VPS13C: variants seen among roughly 807,000 people sequenced by gnomAD.
The protein encoded by VPS13C is intermembrane lipid transfer protein VPS13C.
VPS13C carries 358 observed loss-of-function variants against 456.8 expected under a neutral mutation model. The ratio of observed to expected loss-of-function variants is 0.78; its 90% CI spans 0.72 to 0.86. The LOEUF (loss-of-function observed/expected upper bound fraction) is 0.86. Among genes scored for constraint, VPS13C ranks in the 40% least tolerant of loss-of-function variants. The pLI is 0.00. For missense variants in VPS13C, 4,818 were observed against 4,385.4 expected (o/e 1.10, Z -2.79); for synonymous variants, 1,578 against 1,486.7 (o/e 1.06, Z -1.41).
At chr15:61,950,816 G>A (rs2044762907) in intron 40 of VPS13C, 129 bp downstream of exon 40, 1 of 652,772 alleles carries the variant, frequency 1.5e-6, no homozygotes, top group Non-Finnish European at 2.5e-6. Flanking sequence ...TCAGATGCTT[G>A]CAAAATTCAC....
Position 61,972,726 on chromosome 15 carries a change from G to A in VPS13C, c.2656C>T (p.Pro886Ser). 1 of 1,612,388 alleles carries A rather than the reference G, an allele frequency of 6.2e-7. No individual in the cohort carries two copies. Among genetic ancestry groups the A allele is most frequent in the Non-Finnish European group, 8.5e-7 (1 of 1,179,256 alleles). Residue 886 changes from proline to serine, a missense_variant, in exon 27 of 85, where the codon CCA (proline) becomes TCA (serine). By Grantham distance (74) the Pro-to-Ser change is moderately conservative. Coordinates refer to ENST00000644861, the MANE Select transcript of VPS13C (RefSeq NM_020821.3). ...CCTTTCATACTTTTACAAGTCTGTG[G>A]TTCTCCATCTTCAGCATCAAAATAC... ...DEYFDAEDGE[P>S]QTCKSMKGSE...
In VPS13C at chr15:61,962,839, G is replaced by A. The variant is rs757266804; in HGVS notation, c.3345C>T (p.Ser1115=). The A allele has an allele frequency of 1.2e-6, 2 of 1,600,608 alleles. No individual in the cohort carries two copies. Among genetic ancestry groups the A allele is most frequent in the Non-Finnish European group, 1.7e-6 (2 of 1,171,204 alleles). ...AEIKIQGLDS[S]LSLQSRKQSL... ...ACTGCTTTCTTGACTGGAGAGAAAG[G>A]GAGGAATCCAGTCCTGAAAAAAAGA... Residue 1115 remains serine, a synonymous_variant, in exon 33 of 85, where the codon TCC becomes TCT. Transcript: ENST00000644861.
chr15:61,937,953 C>T (rs940924747), intron 47 of VPS13C, among the ~76,000 whole-genome samples: 1 of 152,124 alleles, frequency 6.6e-6, no homozygotes, highest in African/African-American at 2.4e-5. Context: ...CTTACAAATT[C>T]ACACAAGCAT....
intron 47 of VPS13C, 62 bp from the exon 48 acceptor site, chr15:61,936,812 A>G (rs1191453692): frequency 3.4e-6 from 5 of 1,463,870 alleles, no homozygotes; most frequent in East Asian, 4.6e-5. Flanking sequence ...TATCATATCT[A>G]TATCTCGATT....
intron 16 of VPS13C, 118 bp downstream of exon 16, chr15:62,000,446 C>T (rs989545775): frequency 2.5e-5 from 23 of 916,984 alleles, no homozygotes; most frequent in Non-Finnish European, 3.2e-5. Flanking sequence ...TTCTTTTCTC[C>T]TGAGACTAAA....
chr15:61,914,393 A>T (rs1251132848), intron 61 of VPS13C, among the ~76,000 whole-genome samples: 1 of 151,858 alleles, frequency 6.6e-6, no homozygotes, highest in African/African-American at 2.4e-5. Flanking sequence ...ACATGGTGAA[A>T]TCCCATCTCT....
chr15:61,917,256 C>A, intron 60 of VPS13C, 85 bp downstream of exon 60: 5 of 1,396,586 alleles, frequency 3.6e-6, no homozygotes, highest in Non-Finnish European at 4.9e-6. Flanking sequence ...ATATAAAACA[C>A]TGACCTCACT....
chr15:62,032,721 A>G (rs773184661), intron 5 of VPS13C, among the ~76,000 whole-genome samples: 47 of 151,762 alleles, frequency 3.1e-4, no homozygotes, highest in Non-Finnish European at 2.1e-4. Flanking sequence ...ATATATACAC[A>G]TGCCACCAAA....
intron 6 of VPS13C, among the ~76,000 whole-genome samples, chr15:62,024,718 C>T (rs186243061): frequency 2.8e-4 from 43 of 152,236 alleles, no homozygotes; most frequent in African/African-American, 1.0e-3. Flanking sequence ...TGTGTTTACA[C>T]AATAAAGTCC....
intron 22 of VPS13C, 149 bp downstream of exon 22, chr15:61,981,193 A>C: frequency 2.0e-6 from 2 of 977,566 alleles, no homozygotes; most frequent in Non-Finnish European, 2.8e-6. Flanking sequence ...AACATATATA[A>C]AATACTCCAA....
chr15:61,857,458 C>T (rs35764401), intron 82 of VPS13C, among the ~76,000 whole-genome samples: 9,895 of 152,208 alleles, frequency 0.065, 357 homozygotes, highest in Non-Finnish European at 0.08. Flanking sequence ...AAAGACTTAT[C>T]TGAGGAATGT....
rs1334268587 is a variant in VPS13C at position 61,985,358 on chromosome 15, G to A, written c.1579-359C>T. 3.3e-5 allele frequency among the ~76,000 whole-genome samples: 5 copies of A among 152,174 alleles called. No individual in the cohort carries two copies. The South Asian group carries it at 8.3e-4, about 25-fold the overall frequency. On this transcript the variant is annotated intron_variant, in intron 18 of 84. Coordinates refer to ENST00000644861, the MANE Select transcript of VPS13C (RefSeq NM_020821.3). ...TGCAACCTCCACCTCCTGGGTTCAA[G>A]CGACTCTCCTGCCTCAGCCTCCCGA...
chr15:61,961,611 G>C lies in VPS13C; in HGVS notation c.3886C>G (p.Leu1296Val). 6.2e-7 allele frequency: 1 copy of C among 1,603,402 alleles called. No homozygotes were observed. Among genetic ancestry groups the C allele is most frequent in the Non-Finnish European group, 8.5e-7 (1 of 1,174,534 alleles). Reference sequence around the variant, plus strand: ...TACCTATAAAGTGTAAGCTTTGTTAGCTGCACATCCATTCTATCAATTACT... The same window carrying C: ...TACCTATAAAGTGTAAGCTTTGTTACCTGCACATCCATTCTATCAATTACT... ...PPVIDRMDVQ[L>V]TKLTLYRTVI... The change falls in exon 35 of 85, where the codon CTA becomes GTA. Residue 1296 changes from leucine (L) to valine (V), a missense_variant. Leu to Val is a conservative substitution (Grantham distance 32). Coordinates refer to ENST00000644861, the MANE Select transcript of VPS13C (RefSeq NM_020821.3).
At chr15:62,031,606 C>T (rs544269306) in intron 5 of VPS13C, among the ~76,000 whole-genome samples, 26 of 152,008 alleles carry the variant, frequency 1.7e-4, no homozygotes, top group Admixed American at 4.6e-4. Flanking sequence ...ACAAATATAA[C>T]ATGTTAAAAC....
At chr15:61,900,368 C>T (rs1168663680) in intron 66 of VPS13C, among the ~76,000 whole-genome samples, 5 of 152,058 alleles carry the variant, frequency 3.3e-5, no homozygotes, top group Admixed American at 6.6e-5. Context: ...AAAACCCCAC[C>T]GTCTCAGCCC....
intron 1 of VPS13C, among the ~76,000 whole-genome samples, chr15:62,057,987 G>C (rs1440122874): frequency 1.3e-5 from 2 of 152,068 alleles, no homozygotes. Context: ...TTTTTAAAAA[G>C]AAAATGTCTA....
chr15:61,983,946 A>G lies in VPS13C; in HGVS notation c.1788T>C (p.Leu596=). 1.9e-6 allele frequency: 3 copies of G among 1,614,158 alleles called. No homozygotes were observed. The South Asian group carries it at 3.3e-5, about 18-fold the overall frequency. Residue 596 remains leucine (L), a synonymous_variant, in exon 20 of 85, where the codon CTT becomes CTC. Transcript: ENST00000644861. ...GLRQQDIVPS[L]VASIGDTTSS... is the part of the protein sequence containing the mutation. ...ATGTAGTGTCACCAATTGAAGCCACAAGTGATGGCACAATATCCTGCTGTC... is the reference window on the plus strand; with the variant it reads ...ATGTAGTGTCACCAATTGAAGCCACGAGTGATGGCACAATATCCTGCTGTC...
chr15:61,855,801 T>C (rs564145302), intron 83 of VPS13C, among the ~76,000 whole-genome samples: 1 of 152,082 alleles, frequency 6.6e-6, no homozygotes, highest in Non-Finnish European at 1.5e-5. Context: ...AGTTAAGTAC[T>C]TGAGTCTAAG....
At position 61,907,294 on chromosome 15, in the gene VPS13C, T is replaced by G. The variant is rs2043178030; in HGVS notation, c.9075A>C (p.Ala3025=). ...ACAGATCATGTTCCCCAACATTTGC[T>G]GCATATGTCCATGTAAGTTTTCTGG... The part of the protein sequence containing the change: ...TGTRKLTWTY[A]ANVGEHDLLK... Residue 3025 remains alanine (A), a synonymous_variant, in exon 66 of 85, where the codon GCA becomes GCC. Coordinates refer to ENST00000644861, the MANE Select transcript of VPS13C (RefSeq NM_020821.3). The G allele has an allele frequency of 5.0e-6, 8 of 1,613,998 alleles. No individual in the cohort carries two copies. The highest frequency in any genetic ancestry group is 6.8e-6 in the Non-Finnish European group (8 of 1,179,862).
Sources: allele counts gnomAD v4.1 joint callset (sites outside exome capture counted in the v4.1 genomes callset), GRCh38; gene constraint gnomAD v4.1.1; transcripts MANE v1.5; gene names NCBI Gene and HGNC (gene_info 2026-07-23, HGNC 2026-07-21).